Variants in N4BP1 observed in about 807,000 individuals in gnomAD.
N4BP1 encodes the protein NEDD4 binding protein 1.
A neutral mutation model predicts 70.9 loss-of-function variants in N4BP1; 21 were observed. The ratio of observed to expected loss-of-function variants is 0.30; its 90% CI spans 0.21 to 0.43. The LOEUF (loss-of-function observed/expected upper bound fraction) is 0.43, where lower values mean the gene tolerates loss of function less well. N4BP1 is among the 20% of genes least tolerant of loss of function. N4BP1 has a pLI of 1.00. For synonymous variants in N4BP1, 387 were observed against 394.6 expected (o/e 0.98, Z 0.23); for missense variants, 936 against 1,069.4 (o/e 0.88, Z 1.74).
rs751101001 is a variant in N4BP1 at position 48,561,929 on chromosome 16, A to C, written c.714T>G (p.Asn238Lys). The C allele has an allele frequency of 6.2e-7, 1 of 1,613,946 alleles. No homozygotes were observed. The highest frequency in any genetic ancestry group is 1.1e-5 in the South Asian group (1 of 91,078). The change falls in exon 2 of 7, where the codon AAT (asparagine) becomes AAG (lysine). Residue 238 changes from asparagine (N) to lysine (K), a missense_variant. This residue lies in a region of N4BP1 where 515 missense variants were observed against 491.7 expected (regional missense o/e 1.05). Coordinates refer to ENST00000262384, the MANE Select transcript of N4BP1 (RefSeq NM_153029.4). ...DETVLQEEAR[N>K]KAGTPVSELT... ...GCTCAGAAACAGGAGTCCCAGCTTT[A>C]TTTCTTGCCTCTTCCTGCAAAACAG...
At chr16:48,593,345 C>A (rs894260138) in intron 1 of N4BP1, among the ~76,000 whole-genome samples, 1 of 152,080 alleles carries the variant, frequency 6.6e-6, no homozygotes, top group East Asian at 1.9e-4. Context: ...GTTCTACACA[C>A]AAAGTGTGTA....
In N4BP1 at chr16:48,541,285, G is replaced by A. The variant is rs374371592; in HGVS notation, c.*1619C>T. 6.6e-6 allele frequency: 1 copy of A among 152,332 alleles called. No homozygotes were observed. The highest frequency in any genetic ancestry group is 1.5e-5 in the Non-Finnish European group (1 of 68,094). The allele number at this position is 152,332 out of a possible 1,614,324, so 9.4% of individuals were successfully genotyped here. On this transcript the variant is annotated 3_prime_UTR_variant, in exon 7 of 7. Coordinates refer to ENST00000262384, the MANE Select transcript of N4BP1 (RefSeq NM_153029.4). Reference sequence around the variant, plus strand: ...AAACAGGTACAAAGCTGAGGCATGGGAGCTGTGACTGAAGTCGCCCTCCTG... The same window carrying A: ...AAACAGGTACAAAGCTGAGGCATGGAAGCTGTGACTGAAGTCGCCCTCCTG...
At position 48,546,067 on chromosome 16, in the gene N4BP1, CTATAAAG is replaced by C. The variant is rs761185009; in HGVS notation, c.2333+73_2333+79del. The C allele has an allele frequency of 7.6e-5, 64 of 842,412 alleles. 1 individual carries two copies. The South Asian group carries it at 1.0e-3, about 14-fold the overall frequency. The allele number at this position is 842,412 out of a possible 1,614,324, so 52.2% of individuals were successfully genotyped here. A position where few individuals can be genotyped will look rare whatever the true frequency, so the allele number is the denominator to read the frequency against. On this transcript the variant is annotated intron_variant, in intron 6 of 6. Transcript: ENST00000262384. ...TAATTTTTTTAATGTCATTTTTAGT[CTATAAAG>C]ACAGCACTTGCACTAAAGCACAAAG...
chr16:48,591,779 T>C (rs1320174491), intron 1 of N4BP1, among the ~76,000 whole-genome samples: 1 of 150,200 alleles, frequency 6.7e-6, no homozygotes, highest in South Asian at 2.1e-4. Context: ...GCTTCCACTT[T>C]GGAAAAAAAA....
At chr16:48,595,026 T>TA (rs370346322) in intron 1 of N4BP1, among the ~76,000 whole-genome samples, 21 of 152,090 alleles carry the variant, frequency 1.4e-4, no homozygotes, top group Admixed American at 4.6e-4. Flanking sequence ...GGCATTAGAA[T>TA]AAAAAAAACT....
chr16:48,567,882 G>A (rs1046545071), intron 1 of N4BP1, among the ~76,000 whole-genome samples: 15 of 152,088 alleles, frequency 9.9e-5, no homozygotes, highest in African/African-American at 3.4e-4. Context: ...CCTTTTAGGT[G>A]TAGACTGCTT....
At chr16:48,548,314 C>G (rs1963617963) in intron 4 of N4BP1, among the ~76,000 whole-genome samples, 200 bp from the exon 5 acceptor site, 1 of 152,188 alleles carries the variant, frequency 6.6e-6, no homozygotes, top group African/African-American at 2.4e-5. Flanking sequence ...AGCGTGATTA[C>G]AAAATAGATT....
chr16:48,585,125 G>A (rs1353529622), intron 1 of N4BP1, among the ~76,000 whole-genome samples: 1 of 151,736 alleles, frequency 6.6e-6, no homozygotes, highest in Non-Finnish European at 1.5e-5. Flanking sequence ...GTAGAGATGG[G>A]GTTTCACCAT....
chr16:48,601,005 A>C (rs926169473), intron 1 of N4BP1, among the ~76,000 whole-genome samples: 7 of 152,242 alleles, frequency 4.6e-5, no homozygotes, highest in African/African-American at 1.7e-4. Context: ...TTTGCAGCCA[A>C]ATATTCCCTT....
intron 4 of N4BP1, 84 bp from the exon 5 acceptor site, chr16:48,548,198 C>A: frequency 1.2e-6 from 1 of 801,106 alleles, no homozygotes. Flanking sequence ...AATATTTCCT[C>A]TTCATAGGAA....
intron 1 of N4BP1, among the ~76,000 whole-genome samples, chr16:48,581,086 A>C (rs1964169104): frequency 6.6e-6 from 1 of 152,156 alleles, no homozygotes; most frequent in Non-Finnish European, 1.5e-5. Context: ...ATTCACTATA[A>C]TCAAGTAGGA....
In N4BP1 at chr16:48,543,219, C is replaced by T. The variant is rs1178779510; in HGVS notation, c.2376G>A (p.Met792Ile). 1 of 1,556,654 alleles carries T rather than the reference C, an allele frequency of 6.4e-7. No individual in the cohort carries two copies. Among genetic ancestry groups the T allele is most frequent in the East Asian group, 2.3e-5 (1 of 44,276 alleles). Residue 792 changes from methionine to isoleucine, a missense_variant, in exon 7 of 7, where the codon ATG becomes ATA. Physicochemically the swap from Met to Ile is conservative, Grantham distance 10 (BLOSUM62 1). Coordinates refer to ENST00000262384, the MANE Select transcript of N4BP1 (RefSeq NM_153029.4). Reference protein sequence around the residue: ...PLLSALPNVGMFDPSFRVPGT... With the variant: ...PLLSALPNVGIFDPSFRVPGT... ...CAGGGACTCTGAAGCTGGGGTCAAA[C>T]ATGCCCACATTTGGCAGGGCACTGA...
chr16:48,606,774 A>C lies in N4BP1; in HGVS notation c.198+3001T>G, dbSNP rs543016872. ...TGAATTCACATTTTAAAGGCAAAAC[A>C]CAAGCAAACCACTTGGTGGGACACA... On this transcript the variant is annotated intron_variant, in intron 1 of 6. Coordinates refer to ENST00000262384, the MANE Select transcript of N4BP1 (RefSeq NM_153029.4). Among the ~76,000 whole-genome samples the C allele has an allele frequency of 4.3e-4, 66 of 152,334 alleles. 1 individual carries two copies. The highest frequency in any genetic ancestry group is 2.5e-3 in the South Asian group (12 of 4,832).
chr16:48,582,304 A>G (rs1224758596), intron 1 of N4BP1, among the ~76,000 whole-genome samples: 1 of 152,180 alleles, frequency 6.6e-6, no homozygotes, highest in Non-Finnish European at 1.5e-5. Context: ...GTGCCCTCTA[A>G]GCAGTGCAGT....
At chr16:48,608,230 C>T (rs1351007759) in intron 1 of N4BP1, among the ~76,000 whole-genome samples, 1 of 152,184 alleles carries the variant, frequency 6.6e-6, no homozygotes, top group Non-Finnish European at 1.5e-5. Context: ...GTCTCAATCT[C>T]CTGATCTCGT....
chr16:48,550,600 A>C (rs1395880661), intron 4 of N4BP1, among the ~76,000 whole-genome samples: 1 of 152,056 alleles, frequency 6.6e-6, no homozygotes, highest in East Asian at 1.9e-4. Flanking sequence ...TTATATGCCA[A>C]GCTAAGAAAT....
At chr16:48,606,529 G>C (rs1356084198) in intron 1 of N4BP1, among the ~76,000 whole-genome samples, 1 of 152,138 alleles carries the variant, frequency 6.6e-6, no homozygotes, top group Admixed American at 6.5e-5. Flanking sequence ...AGGTACCTGG[G>C]AATATTTGGC....
intron 1 of N4BP1, among the ~76,000 whole-genome samples, chr16:48,582,782 G>C (rs531481018): frequency 1.2e-4 from 18 of 152,276 alleles, no homozygotes; most frequent in Admixed American, 1.0e-3. Context: ...CAGCAGATAA[G>C]GGGGACCACT....
intron 2 of N4BP1, among the ~76,000 whole-genome samples, chr16:48,554,044 C>T (rs1963713685): frequency 6.6e-6 from 1 of 152,086 alleles, no homozygotes. Flanking sequence ...GGGCTCCACT[C>T]TTTTTAGGGA....
Sources: gnomAD v4.1 joint callset for allele counts (sites outside exome capture counted in the v4.1 genomes callset) on GRCh38, gnomAD v4.1.1 for gene constraint, gnomAD v4.1.1 regional missense constraint, MANE v1.5 for transcripts, NCBI Gene and HGNC (gene_info 2026-07-23, HGNC 2026-07-21) for gene names.